SEMA6A: variants seen among roughly 807,000 people sequenced by gnomAD.
SEMA6A encodes the protein semaphorin-6A.
SEMA6A carries 25 observed loss-of-function variants against 96.8 expected under a neutral mutation model. The ratio of observed to expected loss-of-function variants is 0.26; its 90% CI spans 0.19 to 0.36. The LOEUF is 0.36. Among genes scored for constraint, SEMA6A ranks in the 10% least tolerant of loss-of-function variants. The pLI is 1.00. For missense variants in SEMA6A, 1,363 were observed against 1,323.1 expected (o/e 1.03, Z -0.47); for synonymous variants, 612 against 518.0 (o/e 1.18, Z -2.46).
At chr5:116,522,711 C>T (rs1276046884) in intron 1 of SEMA6A, among the ~76,000 whole-genome samples, 3 of 152,108 alleles carry the variant, frequency 2.0e-5, no homozygotes, top group Admixed American at 2.0e-4. Context: ...GATTCCAGTA[C>T]TGCAGATGGG....
chr5:116,473,148 C>A (rs930991414), intron 16 of SEMA6A, 55 bp from the exon 17 acceptor site: 3 of 1,541,148 alleles, frequency 1.9e-6, no homozygotes, highest in East Asian at 2.4e-5. Flanking sequence ...CTGCTTGGGG[C>A]GACTTACATA....
chr5:116,571,179 CTATT>C (rs576744817), intron 1 of SEMA6A, among the ~76,000 whole-genome samples: 80 of 152,162 alleles, frequency 5.3e-4, no homozygotes, highest in African/African-American at 1.6e-3. Context: ...CCATGTGTGA[CTATT>C]TATTTCATTC....
rs1754130039 is a variant in SEMA6A, at chr5:116,445,604, G to T, written c.*1009C>A. On this transcript the variant is annotated 3_prime_UTR_variant, in exon 19 of 19. Transcript: ENST00000343348. ...TTAGGATCTGGAAGGACTTTAACATGAATTAGTTTTTTTGCATGTTTATAG... is the reference window on the plus strand; with the variant it reads ...TTAGGATCTGGAAGGACTTTAACATTAATTAGTTTTTTTGCATGTTTATAG... 1 of 152,456 alleles carries T rather than the reference G, an allele frequency of 6.6e-6. No individual in the cohort carries two copies. Among genetic ancestry groups the T allele is most frequent in the Admixed American group, 6.5e-5 (1 of 15,284 alleles). 9.4% of individuals were successfully genotyped at this position (152,456 alleles called of 1,614,324 possible). A position where few individuals can be genotyped will look rare whatever the true frequency, so the allele number is the denominator to read the frequency against.
intron 1 of SEMA6A, among the ~76,000 whole-genome samples, chr5:116,541,216 C>T (rs182780949): frequency 1.6e-4 from 24 of 152,292 alleles, no homozygotes; most frequent in Admixed American, 1.1e-3. Flanking sequence ...GTGATATCAA[C>T]GTGTCCAGTG....
At chr5:116,502,364 A>G (rs1285528413) in intron 2 of SEMA6A, 37 bp from the exon 3 acceptor site, 2 of 1,588,358 alleles carry the variant, frequency 1.3e-6, no homozygotes, top group African/African-American at 1.3e-5. Flanking sequence ...AAGGAAAAGC[A>G]AATCAAGCCA....
In SEMA6A at chr5:116,526,515, T is replaced by C. The variant is rs1759233827; in HGVS notation, c.-38-21533A>G. 3.3e-5 allele frequency among the ~76,000 whole-genome samples: 5 copies of C among 152,184 alleles called. No individual in the cohort carries two copies. The South Asian group carries it at 6.2e-4, about 19-fold the overall frequency. ...TGAATGATCTAAAATACAATCCCTG[T>C]CCTCAGAGGATTTACAAATTATGGG... On this transcript the variant is annotated intron_variant, in intron 1 of 18. Transcript: ENST00000343348.
rs1316768589 is a variant in SEMA6A, at chr5:116,445,354, A to C, written c.*1259T>G. The C allele has an allele frequency of 6.5e-6, 1 of 152,684 alleles. No homozygotes were observed. The highest frequency in any genetic ancestry group is 1.5e-5 in the Non-Finnish European group (1 of 68,050). The allele number at this position is 152,684 out of a possible 1,614,324, so 9.5% of individuals were successfully genotyped here. A position where few individuals can be genotyped will look rare whatever the true frequency, so the allele number is the denominator to read the frequency against. On this transcript the variant is annotated 3_prime_UTR_variant, in exon 19 of 19. Transcript: ENST00000343348. ...GGCTATTCACAGATGTAACCCCACG[A>C]AGAACCCGTGTGATCAAATCATTAA...
chr5:116,562,997 G>A (rs1760880605), intron 1 of SEMA6A: 3 of 556,206 alleles, frequency 5.4e-6, no homozygotes, highest in African/African-American at 1.9e-5. Context: ...GGGGGTCGCC[G>A]TGGTCGCCAT....
intron 1 of SEMA6A, among the ~76,000 whole-genome samples, chr5:116,526,547 AG>A (rs1424376987): frequency 2.6e-5 from 4 of 152,230 alleles, no homozygotes; most frequent in African/African-American, 9.6e-5. Context: ...TGGGGTAGAC[AG>A]GTATACCAAT....
chr5:116,566,656 T>A (rs2112916034), intron 1 of SEMA6A, among the ~76,000 whole-genome samples: 1 of 152,366 alleles, frequency 6.6e-6, no homozygotes, highest in Admixed American at 6.5e-5. Context: ...TATTTCCCCT[T>A]CTGCTGTGCC....
chr5:116,492,328 T>A (rs1455120382), intron 6 of SEMA6A: 1 of 151,730 alleles, frequency 6.6e-6, no homozygotes, highest in Non-Finnish European at 1.5e-5. Flanking sequence ...TGGCTATACC[T>A]ATAGCTGGTC....
intron 18 of SEMA6A, among the ~76,000 whole-genome samples, chr5:116,456,529 ATACTGGGCTGC>A (rs1276410853): frequency 6.6e-6 from 1 of 152,198 alleles, no homozygotes; most frequent in Non-Finnish European, 1.5e-5. Context: ...ATAGCTCAAA[ATACTGGGCTGC>A]TACTCCTGCA....
Position 116,446,725 on chromosome 5 carries a change from G to A in SEMA6A, c.2981C>T (p.Ser994Leu). 1 of 1,601,214 alleles carries A rather than the reference G, an allele frequency of 6.2e-7. No individual in the cohort carries two copies. Among genetic ancestry groups the A allele is most frequent in the South Asian group, 1.1e-5 (1 of 89,244 alleles). Residue 994 changes from serine to leucine, a missense_variant, in exon 19 of 19, where the codon TCA becomes TTA. By Grantham distance (145) the Ser-to-Leu change is moderately radical (BLOSUM62 -2). Coordinates refer to ENST00000343348, the MANE Select transcript of SEMA6A (RefSeq NM_020796.5). Reference protein sequence around the residue: ...SRQPSLNAYNSLTRSGLKRTP... With the variant: ...SRQPSLNAYNLLTRSGLKRTP... Reference sequence around the variant, plus strand: ...ACGCTTCAGCCCCGACCTTGTCAGTGAGTTGTAGGCGTTGAGGCTGGGCTG... The same window carrying A: ...ACGCTTCAGCCCCGACCTTGTCAGTAAGTTGTAGGCGTTGAGGCTGGGCTG...
At position 116,489,019 on chromosome 5, in the gene SEMA6A, A is replaced by G; in HGVS notation, c.536-12T>C. On this transcript the variant is annotated splice_polypyrimidine_tract_variant and intron_variant, in intron 7 of 18. Coordinates refer to ENST00000343348, the MANE Select transcript of SEMA6A (RefSeq NM_020796.5). ...GTATAGTTTTCCATCTTAGAAGAAA[A>G]AGAAAAGAGGTGAACAGGGTGGGAG... 6.4e-7 allele frequency: 1 copy of G among 1,555,948 alleles called. No individual in the cohort carries two copies. The highest frequency in any genetic ancestry group is 8.7e-7 in the Non-Finnish European group (1 of 1,148,930).
intron 1 of SEMA6A, among the ~76,000 whole-genome samples, chr5:116,507,672 T>C (rs372099900): frequency 6.6e-6 from 1 of 152,240 alleles, no homozygotes; most frequent in East Asian, 1.9e-4. Context: ...TGTGCTTATA[T>C]AGGCTAAATA....
chr5:116,473,109 G>GA lies in SEMA6A; in HGVS notation c.1709-17dup, dbSNP rs755295505. ...ACAAAGGAATCTGAAAGACAAAAGG[G>GA]AGGAGAAGGTTACTTAATGTTTTAC... is the stretch of plus-strand genomic sequence containing the variant. On this transcript the variant is annotated splice_polypyrimidine_tract_variant and intron_variant, in intron 16 of 18. Transcript: ENST00000343348. 16 of 1,589,632 alleles carry GA rather than the reference G, an allele frequency of 1.0e-5. No individual in the cohort carries two copies. In the South Asian group the frequency reaches 1.4e-4, roughly 14 times the overall value.
chr5:116,454,465 C>G (rs1244161936), intron 18 of SEMA6A, among the ~76,000 whole-genome samples: 1 of 152,150 alleles, frequency 6.6e-6, no homozygotes, highest in South Asian at 2.1e-4. Flanking sequence ...TCCTGCAAGA[C>G]AGTATAAATG....
chr5:116,492,212 C>T (rs1456785100), intron 6 of SEMA6A: 2 of 215,686 alleles, frequency 9.3e-6, no homozygotes, highest in Non-Finnish European at 1.8e-5. Context: ...AACGGAAATG[C>T]CCTTATCCTA....
intron 1 of SEMA6A, among the ~76,000 whole-genome samples, chr5:116,564,060 A>G (rs1760927330): frequency 6.6e-6 from 1 of 152,196 alleles, no homozygotes; most frequent in Non-Finnish European, 1.5e-5. Flanking sequence ...AATTAAGGCC[A>G]TGTTATCCTT....
Sources: allele counts gnomAD v4.1 joint callset (sites outside exome capture counted in the v4.1 genomes callset), GRCh38; gene constraint gnomAD v4.1.1; transcripts MANE v1.5; gene names NCBI Gene and HGNC (gene_info 2026-07-23, HGNC 2026-07-21).